Variants in TF observed in about 807,000 individuals in gnomAD.
TF encodes transferrin.
Under a neutral mutation model 82.4 loss-of-function variants are expected in TF, and 55 were observed. The observed-to-expected ratio is 0.67, with a 90% confidence interval of 0.54 to 0.84. The LOEUF is 0.84. Ranked by LOEUF, TF falls within the 40% of genes least tolerant of loss-of-function variation. The probability of loss-of-function intolerance (pLI) is 0.00; values close to 1 mark genes in which losing one functional copy is unlikely to be tolerated. For synonymous variants in TF, 332 were observed against 332.6 expected, an observed-to-expected ratio of 1.00 and a Z score of 0.02; for missense variants, 737 against 868.4, an observed-to-expected ratio of 0.85 and a Z score of 1.90.
the TF span, among the ~76,000 whole-genome samples, chr3:133,669,027 G>A: frequency 6.6e-6 from 1 of 151,816 alleles, no homozygotes; most frequent in Non-Finnish European, 1.5e-5. Context: ...CTGAGACGGA[G>A]TTTTGCTCTG....
the TF span, among the ~76,000 whole-genome samples, chr3:133,673,664 T>A: frequency 6.6e-6 from 1 of 152,276 alleles, no homozygotes; most frequent in Non-Finnish European, 1.5e-5. Flanking sequence ...TTAGTCTATG[T>A]GTTAGAAGTC....
the TF span, among the ~76,000 whole-genome samples, chr3:133,709,829 G>T: frequency 6.6e-6 from 1 of 152,054 alleles, no homozygotes; most frequent in Non-Finnish European, 1.5e-5. Flanking sequence ...CCTTGAGCAG[G>T]TCCTCCTCCT....
chr3:133,690,251 C>A, the TF span, among the ~76,000 whole-genome samples: 4 of 151,820 alleles, frequency 2.6e-5, no homozygotes, highest in Non-Finnish European at 5.9e-5. Context: ...ATAAAGTTGT[C>A]ATTTAAACTT....
chr3:133,710,398 T>C, the TF span, among the ~76,000 whole-genome samples: 1 of 152,186 alleles, frequency 6.6e-6, no homozygotes, highest in Admixed American at 6.5e-5. Flanking sequence ...CTGTCGTTGG[T>C]GTGCCCCCAA....
the TF span, among the ~76,000 whole-genome samples, chr3:133,721,272 GT>G: frequency 6.6e-6 from 1 of 151,932 alleles, no homozygotes; most frequent in African/African-American, 2.4e-5. Flanking sequence ...TGTCTCATAG[GT>G]TTTAGTACGA....
chr3:133,748,690 G>A (rs1426729435), intron 2 of TF, 106 bp downstream of exon 2: 2 of 1,394,334 alleles, frequency 1.4e-6, no homozygotes, highest in African/African-American at 2.9e-5. Flanking sequence ...GATATATGGG[G>A]CAGTCAACCT....
chr3:133,712,515 T>A, the TF span: 8,135 of 152,636 alleles, frequency 0.053, 245 homozygotes, highest in Middle Eastern at 0.15. Flanking sequence ...CTTTTTTTTT[T>A]AATTCCATAA....
the TF span, among the ~76,000 whole-genome samples, chr3:133,684,300 A>G: frequency 6.6e-6 from 1 of 152,224 alleles, no homozygotes; most frequent in Non-Finnish European, 1.5e-5. Flanking sequence ...GAACTAGAGA[A>G]GCAAGAGCAA....
the TF span, among the ~76,000 whole-genome samples, chr3:133,739,206 C>A: frequency 3.3e-5 from 5 of 152,128 alleles, no homozygotes; most frequent in Admixed American, 2.6e-4. Flanking sequence ...CAAAAACAAG[C>A]AATGGGGAAA....
At chr3:133,742,608 C>T (rs138229258), upstream of TF, among the ~76,000 whole-genome samples, 210 of 152,248 alleles carry the variant, frequency 1.4e-3, 2 homozygotes, top group African/African-American at 4.9e-3. Context: ...TGACTGATTT[C>T]GTGAATGTCG....
At chr3:133,683,114 G>C in the TF span, among the ~76,000 whole-genome samples, 2 of 152,208 alleles carry the variant, frequency 1.3e-5, no homozygotes, top group South Asian at 2.1e-4. Context: ...AGGTTCCTAA[G>C]TGAAGGAGAA....
At chr3:133,773,584 T>C (rs1342745900) in intron 14 of TF, 1 of 152,154 alleles carries the variant, frequency 6.6e-6, no homozygotes, top group Non-Finnish European at 1.5e-5. Context: ...AGGCGTAGAC[T>C]ATGAAATTAC....
At chr3:133,671,610 T>C in the TF span, among the ~76,000 whole-genome samples, 1 of 151,394 alleles carries the variant, frequency 6.6e-6, no homozygotes, top group East Asian at 1.9e-4. Flanking sequence ...ATGGTGAAAC[T>C]CCATCTCCAC....
Position 133,768,112 on chromosome 3 carries a change from C to A in TF, c.1570C>A (p.Leu524Met). ...GCTGTGTATGGGCTCAGGCCTAAAC[C>A]TGTGTGAACCCAACAACAAAGAGGG... ...CKLCMGSGLN[L>M]CEPNNKEGYY... The change falls in exon 13 of 17, where the codon CTG becomes ATG. Residue 524 changes from leucine (L) to methionine (M), a missense_variant. Leu to Met is a conservative substitution (Grantham distance 15, BLOSUM62 2). Transcript: ENST00000402696. 1.9e-6 allele frequency: 3 copies of A among 1,614,194 alleles called. No homozygotes were observed. Among genetic ancestry groups the A allele is most frequent in the Non-Finnish European group, 2.5e-6 (3 of 1,180,020 alleles).
At chr3:133,733,949 G>A in the TF span, among the ~76,000 whole-genome samples, 2 of 152,174 alleles carry the variant, frequency 1.3e-5, no homozygotes, top group African/African-American at 4.8e-5. Context: ...GAGACACTGG[G>A]GTGAAGCAGG....
chr3:133,736,884 C>T, the TF span, among the ~76,000 whole-genome samples: 1 of 151,910 alleles, frequency 6.6e-6, no homozygotes. Flanking sequence ...ACTTTAACAC[C>T]CCACTGTCAA....
Position 133,778,705 on chromosome 3 carries a change from G to C in TF, c.*85G>C. ...TGCCCTGGTTTCACTGGCCCAAGTG[G>C]TTTGTGCTAACCACGTCTGTCTTCA... is the stretch of plus-strand genomic sequence containing the variant. On this transcript the variant is annotated 3_prime_UTR_variant, in exon 17 of 17. Transcript: ENST00000402696. 1 of 1,472,916 alleles carries C rather than the reference G, an allele frequency of 6.8e-7. No homozygotes were observed. The highest frequency in any genetic ancestry group is 9.4e-7 in the Non-Finnish European group (1 of 1,059,804). The allele number at this position is 1,472,916 out of a possible 1,614,324, so 91.2% of individuals were successfully genotyped here.
Position 133,781,917 on chromosome 3 carries a change from G to A in TF, c.*3297G>A, listed in dbSNP as rs2107939894. ...TATTTGCAAACTATATATCTAATAAGATACAACAAATTGATAAAGAACTCA... is the reference window on the plus strand; with the variant it reads ...TATTTGCAAACTATATATCTAATAAAATACAACAAATTGATAAAGAACTCA... On this transcript the variant is annotated 3_prime_UTR_variant, in exon 17 of 17. Coordinates refer to ENST00000402696, the MANE Select transcript of TF (RefSeq NM_001063.4). The A allele has an allele frequency of 6.6e-6, 1 of 152,184 alleles. No homozygotes were observed. The highest frequency in any genetic ancestry group is 2.1e-4 in the South Asian group (1 of 4,826). The allele number at this position is 152,184 out of a possible 1,614,324, so 9.4% of individuals were successfully genotyped here.
intron 1 of TF, among the ~76,000 whole-genome samples, chr3:133,747,947 G>A (rs923590146): frequency 1.3e-5 from 2 of 151,798 alleles, no homozygotes; most frequent in African/African-American, 4.8e-5. Flanking sequence ...AAAAAAAAAG[G>A]CATCATTCTC....
Sources: gnomAD v4.1 joint callset for allele counts (sites outside exome capture counted in the v4.1 genomes callset) on GRCh38, gnomAD v4.1.1 for gene constraint, MANE v1.5 for transcripts, NCBI Gene and HGNC (gene_info 2026-07-23, HGNC 2026-07-21) for gene names.